KIAA0319: variants seen among roughly 807,000 people sequenced by gnomAD.
The protein encoded by KIAA0319 is KIAA0319, also known as dyslexia-associated protein KIAA0319.
In KIAA0319, 83 loss-of-function variants were observed where a neutral mutation model predicts 108.4. The observed-to-expected ratio is 0.77, with a 90% CI of 0.64 to 0.92. KIAA0319 has a LOEUF of 0.92. Ranked by LOEUF, KIAA0319 falls within the 40% of genes least tolerant of loss-of-function variation. The pLI is 0.00. For synonymous variants in KIAA0319, 484 were observed against 510.4 expected (o/e 0.95, Z 0.70); for missense variants, 1,195 against 1,322.4 (o/e 0.90, Z 1.49).
At chr6:24,560,388 A>C (rs1402564538) in intron 16 of KIAA0319, among the ~76,000 whole-genome samples, 2 of 152,144 alleles carry the variant, frequency 1.3e-5, no homozygotes, top group African/African-American at 4.8e-5. Context: ...CTTGGATTCT[A>C]GCCATCCTAG....
At chr6:24,581,989 C>CA (rs1489417540) in intron 6 of KIAA0319, among the ~76,000 whole-genome samples, 1 of 152,068 alleles carries the variant, frequency 6.6e-6, no homozygotes, top group Non-Finnish European at 1.5e-5. Flanking sequence ...ACAAAAAATA[C>CA]AAAAAAATTA....
downstream of KIAA0319, among the ~76,000 whole-genome samples, chr6:24,543,824 C>T (rs1233748290): frequency 6.6e-6 from 1 of 152,192 alleles, no homozygotes; most frequent in Non-Finnish European, 1.5e-5. Context: ...CCCTACCATG[C>T]TGTGGGCCTT....
chr6:24,561,892 G>C (rs1019876395), intron 16 of KIAA0319, among the ~76,000 whole-genome samples: 14 of 152,224 alleles, frequency 9.2e-5, no homozygotes, highest in African/African-American at 3.1e-4. Context: ...TAGTAGAGAC[G>C]AGGTTTCGCC....
intron 1 of KIAA0319, among the ~76,000 whole-genome samples, chr6:24,618,873 G>A (rs1436953998): frequency 6.6e-6 from 1 of 151,940 alleles, no homozygotes; most frequent in African/African-American, 2.4e-5. Context: ...AAAGATTTTT[G>A]CTATTAAAAG....
rs939178161 is a variant in KIAA0319 at position 24,566,736 on chromosome 6, G to A, written c.2153C>T (p.Pro718Leu). The change falls in exon 14 of 21, where the codon CCT becomes CTT. Residue 718 changes from proline (P) to leucine (L), a missense_variant. Physicochemically the swap from Pro to Leu is moderately conservative, Grantham distance 98 (BLOSUM62 -3). Coordinates refer to ENST00000378214, the MANE Select transcript of KIAA0319 (RefSeq NM_014809.4). ...TVAVKKENNS[P>L]PRARAGGRHV... ...TCTGCCACCAGCCCGGGCTCTGGGA[G>A]GACTATTATTTTCTAAGTCAAATAT... The A allele has an allele frequency of 1.2e-6, 2 of 1,606,774 alleles. No homozygotes were observed. Among genetic ancestry groups the A allele is most frequent in the South Asian group, 2.2e-5 (2 of 89,130 alleles).
chr6:24,632,299 A>G (rs994117721), intron 1 of KIAA0319, among the ~76,000 whole-genome samples: 2 of 152,194 alleles, frequency 1.3e-5, no homozygotes, highest in African/African-American at 4.8e-5. Flanking sequence ...GAGCATCCCA[A>G]TACCGCCAGA....
chr6:24,605,136 C>G (rs1461223038), intron 1 of KIAA0319, among the ~76,000 whole-genome samples: 1 of 152,204 alleles, frequency 6.6e-6, no homozygotes, highest in Non-Finnish European at 1.5e-5. Flanking sequence ...CCACCATGCC[C>G]GGCCAAGTGT....
At chr6:24,548,137 C>A (rs569752956) in intron 20 of KIAA0319, among the ~76,000 whole-genome samples, 18 of 152,172 alleles carry the variant, frequency 1.2e-4, no homozygotes, top group Non-Finnish European at 1.8e-4. Flanking sequence ...GAGATAAGCA[C>A]ATATACTTAT....
rs2127523816 is a variant in KIAA0319, at chr6:24,596,406, G to C, written c.268C>G (p.Pro90Ala). Residue 90 changes from proline to alanine, a missense_variant, in exon 3 of 21, where the codon CCC (proline) becomes GCC (alanine). Physicochemically the swap from Pro to Ala is conservative, Grantham distance 27 (BLOSUM62 -1). Coordinates refer to ENST00000378214, the MANE Select transcript of KIAA0319 (RefSeq NM_014809.4). ...VSCPHKENCE[P>A]KKMGPIRSYL... ...GACCTGATGGGGCCCATCTTCTTGG[G>C]CTCACAGTTCTCTTTGTGGGGGCAG... 5 of 1,614,222 alleles carry C rather than the reference G, an allele frequency of 3.1e-6. No individual in the cohort carries two copies. In the East Asian group the frequency reaches 1.1e-4, roughly 36 times the overall value.
chr6:24,614,960 C>G lies in KIAA0319; in HGVS notation c.-105-13752G>C, dbSNP rs151070596. Among the ~76,000 whole-genome samples, 331 of 151,878 alleles carry G rather than the reference C, an allele frequency of 2.2e-3. 2 individuals are homozygous for G. The highest frequency in any genetic ancestry group is 6.9e-3 in the African/African-American group (287 of 41,380). ...GGCTCTGTCTGGTTGCAACTATATCCCCAGGAACTATAGGAGGGGTTGGTA... is the reference window on the plus strand; with the variant it reads ...GGCTCTGTCTGGTTGCAACTATATCGCCAGGAACTATAGGAGGGGTTGGTA... On this transcript the variant is annotated intron_variant, in intron 1 of 20. Transcript: ENST00000378214.
rs2127524647 is a variant in KIAA0319, at chr6:24,596,752, C to T, written c.56-134G>A. 9 of 750,550 alleles carry T rather than the reference C, an allele frequency of 1.2e-5. 1 individual carries two copies. The South Asian group carries it at 1.7e-4, about 14-fold the overall frequency. The allele number at this position is 750,550 out of a possible 1,614,324, so 46.5% of individuals were successfully genotyped here. ...AAGCAAATAAACAATCAGCATTTCACACAGAAAGATCACAGCAATCCATCA... is the reference window on the plus strand; with the variant it reads ...AAGCAAATAAACAATCAGCATTTCATACAGAAAGATCACAGCAATCCATCA... On this transcript the variant is annotated intron_variant, in intron 2 of 20. Transcript: ENST00000378214.
In KIAA0319 at chr6:24,578,138, T is replaced by G; in HGVS notation, c.1477A>C (p.Asn493His). ...AAACTATAGTTACCAGGATCAAGGT[T>G]AGACAAGCGTAAGACGGGAGAGTCA... is the stretch of plus-strand genomic sequence containing the variant. Reference protein sequence around the residue: ...SVDSPVLRLSNLDPGNYSFRL... With the variant: ...SVDSPVLRLSHLDPGNYSFRL... The change falls in exon 9 of 21, where the codon AAC becomes CAC. Residue 493 changes from asparagine to histidine, a missense_variant. Coordinates refer to ENST00000378214, the MANE Select transcript of KIAA0319 (RefSeq NM_014809.4). 1 of 1,612,822 alleles carries G rather than the reference T, an allele frequency of 6.2e-7. No individual in the cohort carries two copies. The highest frequency in any genetic ancestry group is 8.5e-7 in the Non-Finnish European group (1 of 1,179,422).
chr6:24,583,754 A>C, intron 4 of KIAA0319, 52 bp from the exon 5 acceptor site: 1 of 1,108,866 alleles, frequency 9.0e-7, no homozygotes, highest in Non-Finnish European at 1.4e-6. Context: ...AATGTGTTAC[A>C]TTACTGCTCT....
In KIAA0319 at chr6:24,596,321, TC is replaced by T; in HGVS notation, c.352del (p.Asp118ThrfsTer2). 1 of 1,614,114 alleles carries T rather than the reference TC, an allele frequency of 6.2e-7. No homozygotes were observed. Among genetic ancestry groups the T allele is most frequent in the Non-Finnish European group, 8.5e-7 (1 of 1,179,970 alleles). ...QRPAQLLDYG[D>X]MMLNRGSPSG... is the part of the protein sequence containing the mutation. ...GGGGGAGCCCCTGTTCAGCATCATG[TC>T]CCCATAGTCCAGCAGCTGTGCAGGC... On this transcript the variant is annotated frameshift_variant, in exon 3 of 21. Transcript: ENST00000378214. LOFTEE classifies it high-confidence loss of function.
At chr6:24,613,287 C>A (rs185530668) in intron 1 of KIAA0319, among the ~76,000 whole-genome samples, 2 of 151,954 alleles carry the variant, frequency 1.3e-5, no homozygotes, top group Non-Finnish European at 1.5e-5. Context: ...GGAGGATGAA[C>A]AGGGTGGGCA....
intron 4 of KIAA0319, among the ~76,000 whole-genome samples, chr6:24,584,840 C>T (rs1003184284): frequency 2.0e-5 from 3 of 152,170 alleles, no homozygotes; most frequent in Admixed American, 1.3e-4. Flanking sequence ...TTAAAATGAT[C>T]AATTCATTTA....
At position 24,599,727 on chromosome 6, in the gene KIAA0319, A is replaced by C. The variant is rs1428747596; in HGVS notation, c.55+1322T>G. 1 of 567,144 alleles carries C rather than the reference A, an allele frequency of 1.8e-6. No individual in the cohort carries two copies. Among genetic ancestry groups the C allele is most frequent in the African/African-American group, 1.9e-5 (1 of 52,504 alleles). The allele number at this position is 567,144 out of a possible 1,614,324, so 35.1% of individuals were successfully genotyped here. A position where few individuals can be genotyped will look rare whatever the true frequency, so the allele number is the denominator to read the frequency against. On this transcript the variant is annotated intron_variant, in intron 2 of 20. Transcript: ENST00000378214. This position sits in a 1 kb window ranked among gnomAD's most constrained non-coding sequence, Gnocchi z 4.1. Reference sequence around the variant, plus strand: ...CAACTCCTTCAGGGCCATGGTTGTGAAGAAGATCGAGATTTGTGATAGGAA... The same window carrying C: ...CAACTCCTTCAGGGCCATGGTTGTGCAGAAGATCGAGATTTGTGATAGGAA...
intron 14 of KIAA0319, among the ~76,000 whole-genome samples, chr6:24,565,415 G>A (rs1763755730): frequency 6.6e-6 from 1 of 151,878 alleles, no homozygotes; most frequent in African/African-American, 2.4e-5. Context: ...GGGGTAAAAT[G>A]CCTGCCAGGA....
At position 24,599,010 on chromosome 6, in the gene KIAA0319, G is replaced by C. The variant is rs1343201954; in HGVS notation, c.55+2039C>G. 2.8e-6 allele frequency: 2 copies of C among 709,792 alleles called. No homozygotes were observed. The highest frequency in any genetic ancestry group is 2.6e-6 in the Non-Finnish European group (1 of 390,048). 44.0% of individuals were successfully genotyped at this position (709,792 alleles called of 1,614,324 possible). On this transcript the variant is annotated intron_variant, in intron 2 of 20. Transcript: ENST00000378214. This position sits in a 1 kb window ranked among gnomAD's most constrained non-coding sequence, Gnocchi z 4.1. ...GTCTCGCCTGGAAGGGCTGAATAAC[G>C]AGATCAACTTCCTCAGGCAGCTGTA...
Sources: gnomAD v4.1 joint callset for allele counts (sites outside exome capture counted in the v4.1 genomes callset) on GRCh38, gnomAD v4.1.1 for gene constraint, Gnocchi (gnomAD v3.1) non-coding constraint, MANE v1.5 for transcripts, NCBI Gene and HGNC (gene_info 2026-07-23, HGNC 2026-07-21) for gene names.